PPM1L: variants seen among roughly 807,000 people sequenced by gnomAD.
The protein encoded by PPM1L is protein phosphatase, Mg2+/Mn2+ dependent 1L.
PPM1L carries 13 observed loss-of-function variants against 31.4 expected under a neutral mutation model. The observed-to-expected ratio is 0.41, with a 90% CI of 0.27 to 0.66. The LOEUF (loss-of-function observed/expected upper bound fraction) is 0.66. PPM1L is among the 30% of genes least tolerant of loss of function. The pLI, the probability that PPM1L is intolerant of heterozygous loss-of-function variation, is 0.29. For synonymous variants in PPM1L, 184 were observed against 175.4 expected (o/e 1.05, Z -0.39); for missense variants, 326 against 453.7 (o/e 0.72, Z 2.56).
At chr3:161,040,836 A>G (rs1452232935) in intron 2 of PPM1L, among the ~76,000 whole-genome samples, 1 of 152,194 alleles carries the variant, frequency 6.6e-6, no homozygotes, top group African/African-American at 2.4e-5. Context: ...ATAACATTAC[A>G]AGACAATTAA....
chr3:160,899,108 A>G (rs1305327312), intron 1 of PPM1L, among the ~76,000 whole-genome samples: 1 of 152,160 alleles, frequency 6.6e-6, no homozygotes, highest in Admixed American at 6.5e-5. Flanking sequence ...AATAGATGAT[A>G]GTAGCCCCAC....
At chr3:160,759,072 A>G (rs1275922966) in intron 1 of PPM1L, among the ~76,000 whole-genome samples, 1 of 152,166 alleles carries the variant, frequency 6.6e-6, no homozygotes, top group African/African-American at 2.4e-5. Flanking sequence ...TTTTCTTTAT[A>G]TATCATTCAA....
chr3:160,961,611 C>T lies in PPM1L; in HGVS notation c.400-125C>T. ...ATACTAAAAATGACGATGACAAGGA[C>T]ATGCTTGTCTGGAGGGTTGGTTTCA... On this transcript the variant is annotated intron_variant, in intron 1 of 3. Coordinates refer to ENST00000498165, the MANE Select transcript of PPM1L (RefSeq NM_139245.4). The T allele has an allele frequency of 6.1e-6, 4 of 653,808 alleles. No homozygotes were observed. In the South Asian group the frequency reaches 1.2e-4, roughly 20 times the overall value. The allele number at this position is 653,808 out of a possible 1,614,324, so 40.5% of individuals were successfully genotyped here.
chr3:160,909,447 CT>C (rs763645156), intron 1 of PPM1L, among the ~76,000 whole-genome samples: 1 of 152,066 alleles, frequency 6.6e-6, no homozygotes, highest in Non-Finnish European at 1.5e-5. Context: ...CGATTTTAGA[CT>C]TATTAAGTTT....
At chr3:160,827,451 G>T (rs1050915563) in intron 1 of PPM1L, among the ~76,000 whole-genome samples, 4 of 132,682 alleles carry the variant, frequency 3.0e-5, no homozygotes, top group Non-Finnish European at 6.7e-5. Flanking sequence ...ATAAGTTTGT[G>T]TGTGTGTGTG....
At chr3:161,022,277 C>T (rs550356818) in intron 2 of PPM1L, 1 of 559,024 alleles carries the variant, frequency 1.8e-6, no homozygotes, top group Admixed American at 3.3e-5. Context: ...TACCACTATT[C>T]CCTCCCCATT....
chr3:160,951,482 G>C (rs924513494), intron 1 of PPM1L, among the ~76,000 whole-genome samples: 1 of 152,166 alleles, frequency 6.6e-6, no homozygotes, highest in African/African-American at 2.4e-5. Context: ...AACAATGTTT[G>C]ATAATTTGGC....
At chr3:160,935,931 A>G (rs1268857851) in intron 1 of PPM1L, among the ~76,000 whole-genome samples, 1 of 152,168 alleles carries the variant, frequency 6.6e-6, no homozygotes, top group Non-Finnish European at 1.5e-5. Flanking sequence ...TCAGGCCTGC[A>G]TCTGATTGTG....
intron 1 of PPM1L, among the ~76,000 whole-genome samples, chr3:160,931,385 C>T (rs369095358): frequency 2.6e-5 from 4 of 152,330 alleles, no homozygotes; most frequent in South Asian, 2.1e-4. Flanking sequence ...GGAATCCACA[C>T]GTCCTCATTT....
At chr3:160,892,365 C>G (rs1167331230) in intron 1 of PPM1L, among the ~76,000 whole-genome samples, 2 of 152,022 alleles carry the variant, frequency 1.3e-5, no homozygotes, top group African/African-American at 4.8e-5. Context: ...ATGACCAGAT[C>G]TCATGAGGTC....
At chr3:160,961,978 A>C in intron 2 of PPM1L, 68 bp downstream of exon 2, 1 of 1,317,646 alleles carries the variant, frequency 7.6e-7, no homozygotes, top group Non-Finnish European at 1.0e-6. Context: ...CCTTGATTAA[A>C]CTTGGTAAAA....
chr3:160,759,836 G>A (rs1348770173), intron 1 of PPM1L, among the ~76,000 whole-genome samples: 2 of 152,140 alleles, frequency 1.3e-5, no homozygotes, highest in South Asian at 4.1e-4. Flanking sequence ...TTCTAGCTGC[G>A]ACATTGGACA....
rs150547438 is a variant in PPM1L, at chr3:161,029,090, C to T, written c.575-36313C>T. Among the ~76,000 whole-genome samples, 113 of 152,250 alleles carry T rather than the reference C, an allele frequency of 7.4e-4. 2 individuals carry two copies. The South Asian group carries it at 0.011, about 15-fold the overall frequency. On this transcript the variant is annotated intron_variant, in intron 2 of 3. Coordinates refer to ENST00000498165, the MANE Select transcript of PPM1L (RefSeq NM_139245.4). ...GCACATATACAAACAAACAAACAAACGAAACCTAACTGTATGTATGTAGTC... is the reference window on the plus strand; with the variant it reads ...GCACATATACAAACAAACAAACAAATGAAACCTAACTGTATGTATGTAGTC...
intron 1 of PPM1L, among the ~76,000 whole-genome samples, chr3:160,847,588 A>G (rs1714121515): frequency 1.3e-5 from 2 of 152,136 alleles, no homozygotes; most frequent in African/African-American, 4.8e-5. Context: ...GCCAGTAGTG[A>G]TGCTGCCTTG....
intron 1 of PPM1L, among the ~76,000 whole-genome samples, chr3:160,953,945 G>C (rs1217094375): frequency 6.6e-6 from 1 of 152,062 alleles, no homozygotes; most frequent in Non-Finnish European, 1.5e-5. Flanking sequence ...GTGTTCTTTT[G>C]TTCTATTCTG....
At chr3:160,911,166 A>C (rs1713959135) in intron 1 of PPM1L, among the ~76,000 whole-genome samples, 1 of 152,202 alleles carries the variant, frequency 6.6e-6, no homozygotes, top group Non-Finnish European at 1.5e-5. Context: ...TTTTGATATT[A>C]ATAGTCTCAT....
At chr3:160,844,152 T>C (rs1490234386) in intron 1 of PPM1L, among the ~76,000 whole-genome samples, 1 of 152,242 alleles carries the variant, frequency 6.6e-6, no homozygotes, top group Non-Finnish European at 1.5e-5. Flanking sequence ...TTACTGTGAC[T>C]ACACATCCTT....
rs1487907653 is a variant in PPM1L at position 161,071,052 on chromosome 3, A to G, written c.*1895A>G. Reference sequence around the variant, plus strand: ...CCATTTTAGATTTAAGCATTTGCCTATGGGGAGACACTGAATATGTGGATG... The same window carrying G: ...CCATTTTAGATTTAAGCATTTGCCTGTGGGGAGACACTGAATATGTGGATG... On this transcript the variant is annotated 3_prime_UTR_variant, in exon 4 of 4. Transcript: ENST00000498165. 3 of 152,226 alleles carry G rather than the reference A, an allele frequency of 2.0e-5. No individual in the cohort carries two copies. Among genetic ancestry groups the G allele is most frequent in the African/African-American group, 7.2e-5 (3 of 41,462 alleles). 9.4% of individuals were successfully genotyped at this position (152,226 alleles called of 1,614,324 possible).
intron 2 of PPM1L, among the ~76,000 whole-genome samples, chr3:161,030,132 G>A (rs1394367759): frequency 1.3e-5 from 2 of 152,150 alleles, no homozygotes; most frequent in Non-Finnish European, 2.9e-5. Context: ...AACTGCTATG[G>A]TCTAAACATG....
Sources: allele counts gnomAD v4.1 joint callset (sites outside exome capture counted in the v4.1 genomes callset), GRCh38; gene constraint gnomAD v4.1.1; transcripts MANE v1.5; gene names NCBI Gene and HGNC (gene_info 2026-07-23, HGNC 2026-07-21).